Variants in CLSTN2 observed in about 807,000 individuals in gnomAD.
CLSTN2 encodes the protein calsyntenin 2, also known as calsyntenin-2.
CLSTN2 carries 48 observed loss-of-function variants against 101.2 expected under a neutral mutation model. That is an observed-to-expected ratio of 0.47 (90% CI 0.38 to 0.60). The LOEUF is 0.60. Among genes scored for constraint, CLSTN2 ranks in the 20% least tolerant of loss-of-function variants. The pLI is 0.00. For synonymous variants in CLSTN2, 481 were observed against 463.6 expected, an observed-to-expected ratio of 1.04 and a Z score of -0.48; for missense variants, 1,160 against 1,238.2, an observed-to-expected ratio of 0.94 and a Z score of 0.95.
intron 1 of CLSTN2, among the ~76,000 whole-genome samples, chr3:139,987,973 T>C (rs546099860): frequency 6.6e-6 from 1 of 152,298 alleles, no homozygotes; most frequent in East Asian, 1.9e-4. Context: ...GGATAGTGAA[T>C]GTGAATTCTC....
chr3:140,514,620 C>G (rs978676123), intron 8 of CLSTN2, among the ~76,000 whole-genome samples: 3 of 152,080 alleles, frequency 2.0e-5, no homozygotes, highest in African/African-American at 7.2e-5. Flanking sequence ...CATATAATGA[C>G]TTCTTTTCCT....
chr3:140,383,896 T>C (rs1240510992), intron 2 of CLSTN2, among the ~76,000 whole-genome samples: 1 of 152,156 alleles, frequency 6.6e-6, no homozygotes, highest in African/African-American at 2.4e-5. Flanking sequence ...ATAGGCAAAT[T>C]AGGGATAGAG....
chr3:140,200,920 C>T (rs761713040), intron 2 of CLSTN2, among the ~76,000 whole-genome samples: 51 of 152,254 alleles, frequency 3.3e-4, no homozygotes, highest in Non-Finnish European at 4.7e-4. Flanking sequence ...TGACACATCA[C>T]CAAAGGACCT....
At position 140,135,894 on chromosome 3, in the gene CLSTN2, G is replaced by C. The variant is rs111506507; in HGVS notation, c.110-40057G>C. 2.0e-5 allele frequency among the ~76,000 whole-genome samples: 3 copies of C among 152,232 alleles called. No homozygotes were observed. In the South Asian group the frequency reaches 6.2e-4, roughly 32 times the overall value. ...AAGTTATATTTCTGCTGTTTGTCTC[G>C]AGAGCATTGGTGAATGCAGATATAT... On this transcript the variant is annotated intron_variant, in intron 1 of 16. Coordinates refer to ENST00000458420, the MANE Select transcript of CLSTN2 (RefSeq NM_022131.3).
intron 2 of CLSTN2, among the ~76,000 whole-genome samples, chr3:140,364,528 G>A (rs2087763582): frequency 1.3e-5 from 2 of 152,188 alleles, no homozygotes; most frequent in Admixed American, 6.5e-5. Flanking sequence ...AGATGCAGCA[G>A]TGAGGAGCAA....
intron 2 of CLSTN2, among the ~76,000 whole-genome samples, chr3:140,183,849 C>A (rs760171141): frequency 1.1e-4 from 17 of 152,290 alleles, no homozygotes; most frequent in Non-Finnish European, 1.9e-4. Context: ...ATAGGAGAGA[C>A]CGATGTTAAG....
chr3:140,559,181 C>T (rs1408749428), intron 12 of CLSTN2, among the ~76,000 whole-genome samples: 1 of 149,986 alleles, frequency 6.7e-6, no homozygotes, highest in East Asian at 2.0e-4. Flanking sequence ...AAAAAAAACA[C>T]AGAAAAATGC....
intron 9 of CLSTN2, among the ~76,000 whole-genome samples, chr3:140,540,213 C>T (rs938164637): frequency 1.3e-5 from 2 of 152,120 alleles, no homozygotes; most frequent in Admixed American, 6.5e-5. Flanking sequence ...TTGTTGTCAT[C>T]GCTAAGTTGT....
At chr3:140,261,021 C>T (rs2086649056) in intron 2 of CLSTN2, among the ~76,000 whole-genome samples, 1 of 152,122 alleles carries the variant, frequency 6.6e-6, no homozygotes, top group South Asian at 2.1e-4. Context: ...TAACTTACTA[C>T]CATTGCTGTT....
At chr3:140,365,453 G>T (rs1046729104) in intron 2 of CLSTN2, among the ~76,000 whole-genome samples, 1 of 152,156 alleles carries the variant, frequency 6.6e-6, no homozygotes, top group African/African-American at 2.4e-5. Context: ...TGTGACTTAC[G>T]CAGAGTTTTC....
chr3:140,125,465 G>A (rs1417233803), intron 1 of CLSTN2, among the ~76,000 whole-genome samples: 2 of 152,132 alleles, frequency 1.3e-5, no homozygotes, highest in Non-Finnish European at 2.9e-5. Context: ...GAGTACATGA[G>A]AGCAGATACC....
chr3:140,233,752 C>T (rs929788478), intron 2 of CLSTN2, among the ~76,000 whole-genome samples: 7 of 152,184 alleles, frequency 4.6e-5, no homozygotes, highest in African/African-American at 1.7e-4. Context: ...CTGCATCCAG[C>T]TGGTTTTTTA....
At chr3:140,494,268 A>G (rs1934406652) in intron 8 of CLSTN2, among the ~76,000 whole-genome samples, 1 of 152,152 alleles carries the variant, frequency 6.6e-6, no homozygotes, top group African/African-American at 2.4e-5. Flanking sequence ...ATTCCCAAAA[A>G]GCAAAGCCCA....
intron 8 of CLSTN2, among the ~76,000 whole-genome samples, chr3:140,499,892 G>A (rs537818727): frequency 2.2e-4 from 34 of 152,086 alleles, no homozygotes; most frequent in South Asian, 1.2e-3. Context: ...GTGAAACCCC[G>A]TCTCTACTAA....
chr3:140,016,650 T>A (rs2007207362), intron 1 of CLSTN2, among the ~76,000 whole-genome samples: 2 of 151,498 alleles, frequency 1.3e-5, no homozygotes, highest in African/African-American at 2.4e-5. Flanking sequence ...AATACAAAAA[T>A]TAGCTGGGTG....
intron 1 of CLSTN2, among the ~76,000 whole-genome samples, chr3:140,174,995 G>C (rs2010298316): frequency 1.3e-5 from 2 of 152,172 alleles, no homozygotes; most frequent in South Asian, 4.1e-4. Flanking sequence ...GCTTCCTGTA[G>C]TTCCTTGGCC....
intron 1 of CLSTN2, among the ~76,000 whole-genome samples, chr3:140,124,200 T>C (rs72986107): frequency 0.018 from 2,701 of 152,158 alleles, 37 homozygotes; most frequent in African/African-American, 0.026. Flanking sequence ...ACTGAGTGTA[T>C]TGAAAAATAG....
At chr3:140,281,379 CA>C (rs1303808487) in intron 2 of CLSTN2, among the ~76,000 whole-genome samples, 3 of 151,934 alleles carry the variant, frequency 2.0e-5, no homozygotes, top group East Asian at 3.9e-4. Flanking sequence ...AAAGCAAAAA[CA>C]AAAAAATATT....
chr3:140,328,712 C>T (rs2087353610), intron 2 of CLSTN2, among the ~76,000 whole-genome samples: 1 of 152,180 alleles, frequency 6.6e-6, no homozygotes, highest in Middle Eastern at 3.2e-3. Flanking sequence ...CTGGCTCTAT[C>T]ACTGAGTAAC....
Sources: gnomAD v4.1 joint callset for allele counts (sites outside exome capture counted in the v4.1 genomes callset) on GRCh38, gnomAD v4.1.1 for gene constraint, MANE v1.5 for transcripts, NCBI Gene and HGNC (gene_info 2026-07-23, HGNC 2026-07-21) for gene names.